Variants in XKR9 observed in about 807,000 individuals in gnomAD.
XKR9 encodes XK related 9.
Under a neutral mutation model 32.0 loss-of-function variants are expected in XKR9, and 32 were observed. That is an observed-to-expected ratio of 1.00 (90% CI 0.76 to 1.34). XKR9 has a LOEUF of 1.34. XKR9 is among the 40% of genes most tolerant of loss of function. The pLI is 0.00. For missense variants in XKR9, 546 were observed against 429.7 expected (o/e 1.27, Z -2.39); for synonymous variants, 168 against 143.4 (o/e 1.17, Z -1.22).
the XKR9 span, among the ~76,000 whole-genome samples, chr8:70,985,979 A>G: frequency 1.3e-5 from 2 of 152,206 alleles, no homozygotes; most frequent in Non-Finnish European, 2.9e-5. Flanking sequence ...TCAAAAGATT[A>G]CAGAGGGCAA....
At chr8:70,740,913 G>C (rs532514546), downstream of XKR9, among the ~76,000 whole-genome samples, 215 of 152,352 alleles carry the variant, frequency 1.4e-3, no homozygotes, top group African/African-American at 5.0e-3. Flanking sequence ...CTCGGGGTCA[G>C]GGGTCAGGGA....
At chr8:70,912,885 A>T in the XKR9 span, among the ~76,000 whole-genome samples, 2 of 152,218 alleles carry the variant, frequency 1.3e-5, no homozygotes, top group Admixed American at 6.5e-5. Flanking sequence ...TTCTGAAATA[A>T]CAAAGTAATT....
intron 4 of XKR9, among the ~76,000 whole-genome samples, chr8:70,716,833 C>T (rs900057824): frequency 6.6e-6 from 1 of 152,194 alleles, no homozygotes; most frequent in African/African-American, 2.4e-5. Flanking sequence ...GAAGTCTCAT[C>T]TGAGACGAGG....
At chr8:70,823,049 A>G in the XKR9 span, among the ~76,000 whole-genome samples, 1 of 152,164 alleles carries the variant, frequency 6.6e-6, no homozygotes, top group South Asian at 2.1e-4. Flanking sequence ...ATTTTCAAGG[A>G]TCTCTGTCTG....
the XKR9 span, among the ~76,000 whole-genome samples, chr8:70,804,334 G>T: frequency 6.6e-6 from 1 of 152,212 alleles, no homozygotes; most frequent in Non-Finnish European, 1.5e-5. Context: ...GCTGGGTCAG[G>T]CAATTTTATA....
chr8:70,672,490 A>G (rs961299927), intron 1 of XKR9, among the ~76,000 whole-genome samples: 19 of 152,208 alleles, frequency 1.2e-4, no homozygotes, highest in African/African-American at 4.6e-4. Flanking sequence ...TTGTTGATGG[A>G]CTTTTAGGTT....
At chr8:70,792,119 G>C (rs1310733313), downstream of XKR9, among the ~76,000 whole-genome samples, 1 of 152,026 alleles carries the variant, frequency 6.6e-6, no homozygotes, top group East Asian at 1.9e-4. Context: ...AGAGATAAAG[G>C]ATATCTCTCT....
chr8:70,673,932 A>G (rs749730738), intron 1 of XKR9, among the ~76,000 whole-genome samples: 2 of 152,186 alleles, frequency 1.3e-5, no homozygotes, highest in Admixed American at 6.5e-5. Flanking sequence ...TGTTGTAGAC[A>G]TATTGAGGGC....
At chr8:70,934,564 G>A in the XKR9 span, among the ~76,000 whole-genome samples, 1 of 151,952 alleles carries the variant, frequency 6.6e-6, no homozygotes, top group Non-Finnish European at 1.5e-5. Context: ...CCACTTAAAA[G>A]AAGATAAAAT....
At chr8:70,948,684 C>G in the XKR9 span, among the ~76,000 whole-genome samples, 6 of 152,256 alleles carry the variant, frequency 3.9e-5, no homozygotes, top group East Asian at 9.7e-4. Context: ...GGAAGGAATG[C>G]CTGCACACAA....
At chr8:70,848,764 CAA>C in the XKR9 span, among the ~76,000 whole-genome samples, 2,817 of 116,710 alleles carry the variant, frequency 0.024, 40 homozygotes, top group African/African-American at 0.028. Context: ...AATGGAATGC[CAA>C]AAAAAAAAAA....
chr8:70,769,875 G>T (rs1394576640), intron 2 of XKR9, among the ~76,000 whole-genome samples: 1 of 151,804 alleles, frequency 6.6e-6, no homozygotes, highest in Admixed American at 6.6e-5. Context: ...CCTTGCATTG[G>T]GTTAGAACAT....
intron 2 of XKR9, among the ~76,000 whole-genome samples, chr8:70,753,433 G>C (rs1042873933): frequency 1.3e-5 from 2 of 152,058 alleles, no homozygotes; most frequent in Non-Finnish European, 2.9e-5. Flanking sequence ...GCATCATCCG[G>C]ATACCAAAGC....
the XKR9 span, among the ~76,000 whole-genome samples, chr8:70,801,103 CTTAT>C: frequency 6.6e-6 from 1 of 150,400 alleles, no homozygotes; most frequent in Non-Finnish European, 1.5e-5. Flanking sequence ...GTCTATCAAT[CTTAT>C]TTATGCTCTT....
At chr8:70,684,636 AC>A (rs1819198302) in intron 3 of XKR9, among the ~76,000 whole-genome samples, 1 of 151,578 alleles carries the variant, frequency 6.6e-6, no homozygotes, top group African/African-American at 2.4e-5. Context: ...ATGAACTCAA[AC>A]AAATTTACAA....
At chr8:70,699,374 C>G (rs1474902364) in intron 3 of XKR9, among the ~76,000 whole-genome samples, 1 of 152,000 alleles carries the variant, frequency 6.6e-6, no homozygotes, top group African/African-American at 2.4e-5. Context: ...TTAGGGCAGG[C>G]CTGGTGGTGA....
At chr8:70,836,568 GGATTTAAAAAAAT>G in the XKR9 span, among the ~76,000 whole-genome samples, 3 of 132,302 alleles carry the variant, frequency 2.3e-5, no homozygotes, top group Non-Finnish European at 5.4e-5. Flanking sequence ...ACAATAGAAT[GGATTTAAAAAAAT>G]GATTTAAAAA....
chr8:71,035,353 G>T, the XKR9 span, among the ~76,000 whole-genome samples: 2 of 152,140 alleles, frequency 1.3e-5, no homozygotes, highest in East Asian at 3.9e-4. Context: ...GATTTCTAGG[G>T]GTCCAAGAAT....
chr8:70,930,578 G>GA, the XKR9 span, among the ~76,000 whole-genome samples: 1 of 152,080 alleles, frequency 6.6e-6, no homozygotes, highest in East Asian at 1.9e-4. Context: ...TTCTAAACCA[G>GA]AAAAAAATTA....
Sources: gnomAD v4.1 joint callset for allele counts (sites outside exome capture counted in the v4.1 genomes callset) on GRCh38, gnomAD v4.1.1 for gene constraint, MANE v1.5 for transcripts, NCBI Gene and HGNC (gene_info 2026-07-23, HGNC 2026-07-21) for gene names.